Variants in GALNT15 observed in about 807,000 individuals in gnomAD.
GALNT15 encodes UDP-GalNAc transferase T15.
Under a neutral mutation model 66.8 loss-of-function variants are expected in GALNT15, and 67 were observed. That is an observed-to-expected ratio of 1.00 (90% confidence interval 0.82 to 1.23). The LOEUF (loss-of-function observed/expected upper bound fraction) is 1.23, where lower values mean the gene tolerates loss of function less well. Ranked by LOEUF, GALNT15 falls within the 50% of genes most tolerant of loss-of-function variation. GALNT15 has a pLI of 0.00. For synonymous variants in GALNT15, 313 were observed against 311.5 expected (o/e 1.00, Z -0.05); for missense variants, 827 against 804.3 (o/e 1.03, Z -0.34).
chr3:16,195,786 G>T lies in GALNT15; in HGVS notation c.566G>T (p.Ser189Ile). The T allele has an allele frequency of 1.2e-6, 2 of 1,613,702 alleles. No individual in the cohort carries two copies. The highest frequency in any genetic ancestry group is 4.5e-5 in the East Asian group (2 of 44,874). Residue 189 changes from serine (S) to isoleucine (I), a missense_variant, in exon 2 of 10, where the codon AGC (serine) becomes ATC (isoleucine). Ser to Ile is a moderately radical substitution (Grantham distance 142, BLOSUM62 -2). Transcript: ENST00000339732. The surrounding 1 kb of genome is among the most constrained non-coding windows in gnomAD (Gnocchi z 4.6). ...TGTCTGCAGCAGCACCCTCAGGACAGCCTGCCCACAGCCAGCGTCATCCTC... is the reference window on the plus strand; with the variant it reads ...TGTCTGCAGCAGCACCCTCAGGACATCCTGCCCACAGCCAGCGTCATCCTC... ...PLCLQQHPQD[S>I]LPTASVILCF...
downstream of GALNT15, among the ~76,000 whole-genome samples, chr3:16,235,979 C>T (rs2124917895): frequency 6.6e-6 from 1 of 151,594 alleles, no homozygotes; most frequent in African/African-American, 2.4e-5. Context: ...GTGGCGGGTG[C>T]CTGTAATCCC....
At chr3:16,199,768 T>A (rs1028190551) in intron 2 of GALNT15, among the ~76,000 whole-genome samples, 2 of 152,168 alleles carry the variant, frequency 1.3e-5, no homozygotes, top group Non-Finnish European at 2.9e-5. Context: ...TCATTGACCA[T>A]GACTGGGGCT....
chr3:16,231,119 A>C (rs959538762), downstream of GALNT15, among the ~76,000 whole-genome samples: 1 of 132,022 alleles, frequency 7.6e-6, no homozygotes, highest in African/African-American at 2.8e-5. This position sits in a 1 kb window ranked among gnomAD's most constrained non-coding sequence, Gnocchi z 4.1. Context: ...TAGGGAGGGG[A>C]ACATCACACC....
rs563913247 is a variant in GALNT15 at position 16,211,644 on chromosome 3, C to T, written c.1197+403C>T. On this transcript the variant is annotated intron_variant, in intron 5 of 9. Transcript: ENST00000339732. This position sits in a 1 kb window ranked among gnomAD's most constrained non-coding sequence, Gnocchi z 4.3. ...TTGGTCCAAACAATGTAATACTTGT[C>T]ATAAAAACTTAGCACCTGTTGGGCA... Among the ~76,000 whole-genome samples the T allele has an allele frequency of 2.8e-4, 42 of 152,298 alleles. No individual in the cohort carries two copies. The highest frequency in any genetic ancestry group is 9.1e-4 in the African/African-American group (38 of 41,552).
At position 16,227,204 on chromosome 3, in the gene GALNT15, T is replaced by C. The variant is rs2064029586; in HGVS notation, c.1774-150T>C. ...TTTTAGGGCTACCTAATTTATATTT[T>C]ATGTTGATCAAAATACCACAATTCC... On this transcript the variant is annotated intron_variant, in intron 9 of 9. Coordinates refer to ENST00000339732, the MANE Select transcript of GALNT15 (RefSeq NM_054110.5). The surrounding 1 kb of genome is among the most constrained non-coding windows in gnomAD (Gnocchi z 4.5). The C allele has an allele frequency of 2.4e-6, 2 of 821,702 alleles. No homozygotes were observed. Among genetic ancestry groups the C allele is most frequent in the Admixed American group, 6.4e-5 (2 of 31,404 alleles). 50.9% of individuals were successfully genotyped at this position (821,702 alleles called of 1,614,324 possible).
At chr3:16,201,493 A>G (rs1429545419) in intron 3 of GALNT15, among the ~76,000 whole-genome samples, 1 of 152,108 alleles carries the variant, frequency 6.6e-6, no homozygotes, top group Non-Finnish European at 1.5e-5. Context: ...AAATTCGTCA[A>G]TTTTAATCAA....
chr3:16,219,947 A>G lies in GALNT15; in HGVS notation c.1562A>G (p.Gln521Arg). 1 of 1,614,232 alleles carries G rather than the reference A, an allele frequency of 6.2e-7. No individual in the cohort carries two copies. Among genetic ancestry groups the G allele is most frequent in the East Asian group, 2.2e-5 (1 of 44,886 alleles). ...NTGLGLCADC[Q>R]AEGDILGCPM... ...GGACTTGGGCTCTGTGCAGACTGCC[A>G]GGCAGAAGGGGACATCCTGGGCTGT... is the stretch of plus-strand genomic sequence containing the variant. Residue 521 changes from glutamine (Q) to arginine (R), a missense_variant, in exon 8 of 10, where the codon CAG becomes CGG. Physicochemically the swap from Gln to Arg is conservative, Grantham distance 43. Transcript: ENST00000339732. The surrounding 1 kb of genome is among the most constrained non-coding windows in gnomAD (Gnocchi z 4.3).
At chr3:16,235,647 T>C (rs1331351699), downstream of GALNT15, among the ~76,000 whole-genome samples, 1 of 152,168 alleles carries the variant, frequency 6.6e-6, no homozygotes, top group Non-Finnish European at 1.5e-5. Context: ...TAGTCCTCAA[T>C]ATAAAGTTAT....
Position 16,227,312 on chromosome 3 carries a change from T to C in GALNT15, c.1774-42T>C. 6.3e-7 allele frequency: 1 copy of C among 1,591,290 alleles called. No homozygotes were observed. Reference sequence around the variant, plus strand: ...AATATTTTCTTTTGCTGACTGATTGTGGGGGACTGGTTTTCTTTTCTTTTT... The same window carrying C: ...AATATTTTCTTTTGCTGACTGATTGCGGGGGACTGGTTTTCTTTTCTTTTT... On this transcript the variant is annotated intron_variant, in intron 9 of 9. Transcript: ENST00000339732. This position sits in a 1 kb window ranked among gnomAD's most constrained non-coding sequence, Gnocchi z 4.5.
chr3:16,175,683 C>G lies in GALNT15; in HGVS notation c.532C>G (p.His178Asp). Residue 178 changes from histidine to aspartate, a missense_variant, in exon 1 of 10, where the codon CAC becomes GAC. Transcript: ENST00000339732. This position sits in a 1 kb window ranked among gnomAD's most constrained non-coding sequence, Gnocchi z 5.6. ...CCAGAGGGCTCTGCCCGAGGTGCGG[C>G]ACCCACTGTAAGTAAGGCCCTTGTT... ...PLQRALPEVR[H>D]PLCLQQHPQD... is the part of the protein sequence containing the mutation. 1.3e-6 allele frequency: 2 copies of G among 1,582,608 alleles called. No individual in the cohort carries two copies. The highest frequency in any genetic ancestry group is 1.7e-6 in the Non-Finnish European group (2 of 1,163,796).
At position 16,227,781 on chromosome 3, in the gene GALNT15, T is replaced by G; in HGVS notation, c.*281T>G. The G allele has an allele frequency of 2.5e-6, 3 of 1,190,388 alleles. No individual in the cohort carries two copies. Among genetic ancestry groups the G allele is most frequent in the Admixed American group, 8.8e-5 (2 of 22,694 alleles). 73.7% of individuals were successfully genotyped at this position (1,190,388 alleles called of 1,614,324 possible). On this transcript the variant is annotated 3_prime_UTR_variant, in exon 10 of 10. Coordinates refer to ENST00000339732, the MANE Select transcript of GALNT15 (RefSeq NM_054110.5). This position sits in a 1 kb window ranked among gnomAD's most constrained non-coding sequence, Gnocchi z 4.5. ...TAGTACAGAAGATTCTTTGTTTTTC[T>G]CCACTGAGCACTTAACAATTGCTTT...
the GALNT15 span, among the ~76,000 whole-genome samples, chr3:16,237,663 C>G: frequency 6.6e-6 from 1 of 152,222 alleles, no homozygotes; most frequent in Non-Finnish European, 1.5e-5. The surrounding 1 kb of genome is among the most constrained non-coding windows in gnomAD (Gnocchi z 4.2). Context: ...TGTTCCCCCA[C>G]CACTCCCCAG....
chr3:16,179,727 C>G (rs1460969157), intron 1 of GALNT15, among the ~76,000 whole-genome samples: 4 of 152,150 alleles, frequency 2.6e-5, no homozygotes, highest in African/African-American at 9.7e-5. Flanking sequence ...CCATTCTTTA[C>G]AGGAACAGAA....
rs1559677941 is a variant in GALNT15 at position 16,189,933 on chromosome 3, G to C, written c.540-5827G>C. ...TGAAAGCAAGGATAGTTCTCAGAGAGCTTATGGTACTTGCCCAGGTCACAT... is the reference window on the plus strand; with the variant it reads ...TGAAAGCAAGGATAGTTCTCAGAGACCTTATGGTACTTGCCCAGGTCACAT... On this transcript the variant is annotated intron_variant, in intron 1 of 9. Coordinates refer to ENST00000339732, the MANE Select transcript of GALNT15 (RefSeq NM_054110.5). The surrounding 1 kb of genome is among the most constrained non-coding windows in gnomAD (Gnocchi z 5.1). Among the ~76,000 whole-genome samples, 1 of 152,218 alleles carries C rather than the reference G, an allele frequency of 6.6e-6. No individual in the cohort carries two copies. The highest frequency in any genetic ancestry group is 2.4e-5 in the African/African-American group (1 of 41,446).
chr3:16,223,158 T>C (rs537975385), intron 9 of GALNT15, among the ~76,000 whole-genome samples: 4 of 152,254 alleles, frequency 2.6e-5, no homozygotes, highest in African/African-American at 9.6e-5. Context: ...TAGATACAGA[T>C]GTAGATGTAA....
At position 16,191,986 on chromosome 3, in the gene GALNT15, G is replaced by A. The variant is rs1408254717; in HGVS notation, c.540-3774G>A. ...GCTATAAAACAGTCACTGTCTATTG[G>A]GTGCCTATTATTATTCTTTGATTCT... is the stretch of plus-strand genomic sequence containing the variant. On this transcript the variant is annotated intron_variant, in intron 1 of 9. Transcript: ENST00000339732. This position sits in a 1 kb window ranked among gnomAD's most constrained non-coding sequence, Gnocchi z 5.2. 2.0e-5 allele frequency among the ~76,000 whole-genome samples: 3 copies of A among 152,054 alleles called. No individual in the cohort carries two copies. The highest frequency in any genetic ancestry group is 2.0e-4 in the Admixed American group (3 of 15,274).
At position 16,187,780 on chromosome 3, in the gene GALNT15, G is replaced by A. The variant is rs1349869682; in HGVS notation, c.540-7980G>A. Among the ~76,000 whole-genome samples, 1 of 152,196 alleles carries A rather than the reference G, an allele frequency of 6.6e-6. No individual in the cohort carries two copies. Among genetic ancestry groups the A allele is most frequent in the Non-Finnish European group, 1.5e-5 (1 of 68,036 alleles). ...CAAAGGGCATTTGGGAGGAATAAAT[G>A]TAATAATTCTTGTAATAATTCATGC... On this transcript the variant is annotated intron_variant, in intron 1 of 9. Transcript: ENST00000339732. The surrounding 1 kb of genome is among the most constrained non-coding windows in gnomAD (Gnocchi z 5.1).
At chr3:16,223,691 C>CTTT (rs11293776) in intron 9 of GALNT15, among the ~76,000 whole-genome samples, 1 of 124,646 alleles carries the variant, frequency 8.0e-6, no homozygotes, top group Non-Finnish European at 1.7e-5. Context: ...TCAAAGAAGT[C>CTTT]TTTTTTTTTT....
chr3:16,198,867 G>GC (rs1364283017), intron 2 of GALNT15, among the ~76,000 whole-genome samples: 1 of 141,848 alleles, frequency 7.0e-6, no homozygotes, highest in Non-Finnish European at 1.6e-5. Flanking sequence ...ACCTTCTCCA[G>GC]CCTCCCCAGA....
Sources: gnomAD v4.1 joint callset for allele counts (sites outside exome capture counted in the v4.1 genomes callset) on GRCh38, gnomAD v4.1.1 for gene constraint, Gnocchi (gnomAD v3.1) non-coding constraint, MANE v1.5 for transcripts, NCBI Gene and HGNC (gene_info 2026-07-23, HGNC 2026-07-21) for gene names.